KCNH8: variants seen among roughly 807,000 people sequenced by gnomAD.
KCNH8 encodes the protein voltage-gated delayed rectifier potassium channel KCNH8.
KCNH8 carries 70 observed loss-of-function variants against 103.6 expected under a neutral mutation model. That is an observed-to-expected ratio of 0.68 (90% CI 0.56 to 0.82). The LOEUF is 0.82. Among genes scored for constraint, KCNH8 ranks in the 40% least tolerant of loss-of-function variants. KCNH8 has a pLI of 0.00. For synonymous variants in KCNH8, 498 were observed against 489.4 expected, an observed-to-expected ratio of 1.02 and a Z score of -0.23; for missense variants, 1,217 against 1,329.9, an observed-to-expected ratio of 0.92 and a Z score of 1.32.
In KCNH8 at chr3:19,159,422, T is replaced by C. The variant is rs540479201; in HGVS notation, c.76+10627T>C. Among the ~76,000 whole-genome samples the C allele has an allele frequency of 4.6e-5, 7 of 152,124 alleles. No individual in the cohort carries two copies. In the South Asian group the frequency reaches 1.5e-3, roughly 32 times the overall value. On this transcript the variant is annotated intron_variant, in intron 1 of 15. Transcript: ENST00000328405. ...TTTACATTCTTTTCTTGGACGTGTA[T>C]ATTATTTGACTTTGGTAAGGAAACT...
At chr3:19,269,562 C>T (rs549165793) in intron 2 of KCNH8, among the ~76,000 whole-genome samples, 1 of 152,178 alleles carries the variant, frequency 6.6e-6, no homozygotes, top group South Asian at 2.1e-4. Context: ...CTTTTTCATG[C>T]ATATAAGAGA....
intron 3 of KCNH8, among the ~76,000 whole-genome samples, chr3:19,282,627 G>A (rs1366634004): frequency 1.3e-5 from 2 of 152,010 alleles, no homozygotes; most frequent in Non-Finnish European, 2.9e-5. Flanking sequence ...ACCTTTAACT[G>A]ACTTGTTTGG....
At chr3:19,190,128 G>T (rs2063537595) in intron 1 of KCNH8, among the ~76,000 whole-genome samples, 1 of 151,940 alleles carries the variant, frequency 6.6e-6, no homozygotes, top group African/African-American at 2.4e-5. Flanking sequence ...GTAAAGTCCA[G>T]TAGTTAAGTA....
intron 1 of KCNH8, among the ~76,000 whole-genome samples, chr3:19,206,017 G>A (rs1226724011): frequency 6.6e-6 from 1 of 151,496 alleles, no homozygotes; most frequent in Non-Finnish European, 1.5e-5. Flanking sequence ...TTATGCCTTT[G>A]CATCCTCATA....
chr3:19,206,724 C>T (rs1221944955), intron 1 of KCNH8, among the ~76,000 whole-genome samples: 4 of 151,872 alleles, frequency 2.6e-5, no homozygotes, highest in Non-Finnish European at 4.4e-5. Context: ...TTGTCAGTGT[C>T]CCCTGAGGAG....
In KCNH8 at chr3:19,284,552, TGA is replaced by T. The variant is rs1298324788; in HGVS notation, c.442+3225_442+3226del. On this transcript the variant is annotated intron_variant, in intron 3 of 15. Coordinates refer to ENST00000328405, the MANE Select transcript of KCNH8 (RefSeq NM_144633.3). ...GTGTGTGTGTGTGTGTGTGTGTGTG[TGA>T]GGGAGAGAGAGAGAGAAAGAGAGAG... is the stretch of plus-strand genomic sequence containing the variant. Among the ~76,000 whole-genome samples the T allele has an allele frequency of 2.8e-3, 378 of 135,342 alleles. 2 individuals carry two copies. The highest frequency in any genetic ancestry group is 5.3e-3 in the Admixed American group (71 of 13,342). The allele number at this position is 135,342 out of a possible 152,430, so 88.8% of individuals were successfully genotyped here. A position where few individuals can be genotyped will look rare whatever the true frequency, so the allele number is the denominator to read the frequency against.
intron 3 of KCNH8, among the ~76,000 whole-genome samples, chr3:19,298,580 G>A (rs1575506441): frequency 6.6e-6 from 1 of 152,306 alleles, no homozygotes; most frequent in East Asian, 1.9e-4. Flanking sequence ...AATTCTTAAA[G>A]TTGCTGCATA....
chr3:19,149,410 A>G (rs1031682173), intron 1 of KCNH8, among the ~76,000 whole-genome samples: 1 of 152,078 alleles, frequency 6.6e-6, no homozygotes, highest in African/African-American at 2.4e-5. Flanking sequence ...AGGAAGAAGG[A>G]CATGAATAAA....
chr3:19,303,333 A>C (rs897799459), intron 3 of KCNH8, among the ~76,000 whole-genome samples: 1 of 152,220 alleles, frequency 6.6e-6, no homozygotes, highest in Non-Finnish European at 1.5e-5. Context: ...AAAATAATAG[A>C]AAAGACAGTA....
intron 3 of KCNH8, among the ~76,000 whole-genome samples, chr3:19,313,846 T>A (rs2065238818): frequency 6.6e-6 from 1 of 151,986 alleles, no homozygotes; most frequent in Admixed American, 6.6e-5. Context: ...AAAGTAGATG[T>A]TAGTATTCTT....
intron 5 of KCNH8, among the ~76,000 whole-genome samples, chr3:19,383,288 T>G (rs770127236): frequency 1.3e-5 from 2 of 152,218 alleles, no homozygotes; most frequent in Admixed American, 1.3e-4. Context: ...AAATTTATTT[T>G]TGTCTCTATT....
chr3:19,195,138 A>G (rs1047234385), intron 1 of KCNH8, among the ~76,000 whole-genome samples: 1 of 151,864 alleles, frequency 6.6e-6, no homozygotes, highest in African/African-American at 2.4e-5. Context: ...CACTTGAAAA[A>G]AACCTCTTTT....
chr3:19,279,586 A>C (rs1048322308), intron 2 of KCNH8, among the ~76,000 whole-genome samples: 3 of 145,018 alleles, frequency 2.1e-5, no homozygotes, highest in African/African-American at 7.6e-5. Context: ...AAAAAAAAAT[A>C]AGGAGGAAAT....
At chr3:19,471,468 G>A (rs751087217) in intron 11 of KCNH8, among the ~76,000 whole-genome samples, 9 of 152,180 alleles carry the variant, frequency 5.9e-5, no homozygotes, top group Non-Finnish European at 1.0e-4. Flanking sequence ...TTCTTCTGCA[G>A]GCTGGGTTAA....
intron 7 of KCNH8, among the ~76,000 whole-genome samples, chr3:19,403,797 T>C (rs2066651914): frequency 6.6e-6 from 1 of 151,884 alleles, no homozygotes; most frequent in Non-Finnish European, 1.5e-5. Flanking sequence ...GCTAATACTT[T>C]GTGACTGAGG....
intron 4 of KCNH8, among the ~76,000 whole-genome samples, chr3:19,343,906 T>A (rs1365864980): frequency 1.3e-5 from 2 of 151,924 alleles, no homozygotes; most frequent in Non-Finnish European, 1.5e-5. Context: ...CAAAACAAGA[T>A]GTTTTGAATC....
At chr3:19,165,510 AC>A (rs1432703672) in intron 1 of KCNH8, among the ~76,000 whole-genome samples, 1 of 152,210 alleles carries the variant, frequency 6.6e-6, no homozygotes, top group South Asian at 2.1e-4. Context: ...CTTTGGACTT[AC>A]AGCAGAGCTC....
At chr3:19,507,910 C>A (rs191229966) in intron 11 of KCNH8, among the ~76,000 whole-genome samples, 168 of 152,256 alleles carry the variant, frequency 1.1e-3, no homozygotes, top group Non-Finnish European at 2.0e-3. Flanking sequence ...CAAAAGATGG[C>A]TCTTACTATT....
chr3:19,280,232 C>G (rs1575491533), intron 2 of KCNH8, among the ~76,000 whole-genome samples: 1 of 152,018 alleles, frequency 6.6e-6, no homozygotes, highest in African/African-American at 2.4e-5. Flanking sequence ...AATGACATTT[C>G]TCATGGTTTT....
Sources: gnomAD v4.1 joint callset for allele counts (sites outside exome capture counted in the v4.1 genomes callset) on GRCh38, gnomAD v4.1.1 for gene constraint, MANE v1.5 for transcripts, NCBI Gene and HGNC (gene_info 2026-07-23, HGNC 2026-07-21) for gene names.